Variants in PDE1A observed in about 807,000 individuals in gnomAD.
PDE1A encodes the protein dual specificity calcium/calmodulin-dependent 3',5'-cyclic nucleotide phosphodiesterase 1A.
A neutral mutation model predicts 61.7 loss-of-function variants in PDE1A; 35 were observed. That is an observed-to-expected ratio of 0.57 (90% confidence interval 0.43 to 0.75). The LOEUF (loss-of-function observed/expected upper bound fraction) is 0.75, where lower values mean the gene tolerates loss of function less well. Among genes scored for constraint, PDE1A ranks in the 30% least tolerant of loss-of-function variants. PDE1A has a pLI of 0.00. For synonymous variants in PDE1A, 232 were observed against 213.2 expected (o/e 1.09, Z -0.77); for missense variants, 597 against 630.6 (o/e 0.95, Z 0.57).
chr2:182,316,066 T>G (rs1340510882), intron 1 of PDE1A, among the ~76,000 whole-genome samples: 2 of 152,164 alleles, frequency 1.3e-5, no homozygotes, highest in Non-Finnish European at 2.9e-5. Context: ...TGAGCAGTAA[T>G]TGAATAAGTC....
chr2:182,650,931 G>T, the PDE1A span, among the ~76,000 whole-genome samples: 16 of 152,234 alleles, frequency 1.1e-4, no homozygotes, highest in South Asian at 2.1e-4. Flanking sequence ...ATTTAAAAAG[G>T]CTTCTTGAAA....
At chr2:182,319,973 T>C (rs1168699905) in intron 1 of PDE1A, among the ~76,000 whole-genome samples, 1 of 152,168 alleles carries the variant, frequency 6.6e-6, no homozygotes, top group Non-Finnish European at 1.5e-5. Context: ...ATGTCAGTGG[T>C]CTGCATTCTC....
chr2:182,627,112 AAAT>A, the PDE1A span, among the ~76,000 whole-genome samples: 29 of 58,646 alleles, frequency 4.9e-4, 10 homozygotes, highest in African/African-American at 1.7e-3. Context: ...TATAAAATAT[AAAT>A]AATATATTAT....
chr2:182,540,321 C>T, the PDE1A span, among the ~76,000 whole-genome samples: 1 of 149,218 alleles, frequency 6.7e-6, no homozygotes, highest in Non-Finnish European at 1.5e-5. Flanking sequence ...CTGAGACATA[C>T]CACTGCACTC....
intron 3 of PDE1A, 101 bp downstream of exon 3, chr2:182,240,009 C>A (rs565312613): frequency 1.0e-6 from 1 of 988,978 alleles, no homozygotes; most frequent in Non-Finnish European, 1.4e-6. Context: ...TCACAGTTTT[C>A]GTCAATAAGT....
intron 1 of PDE1A, among the ~76,000 whole-genome samples, chr2:182,302,425 G>T (rs969278366): frequency 3.3e-5 from 5 of 152,206 alleles, no homozygotes; most frequent in African/African-American, 1.2e-4. Context: ...GTACTACACT[G>T]TAATCTCTTA....
At chr2:182,532,958 A>AC in the PDE1A span, among the ~76,000 whole-genome samples, 2 of 149,236 alleles carry the variant, frequency 1.3e-5, no homozygotes, top group Non-Finnish European at 3.0e-5. Context: ...AAAAAAAAAA[A>AC]AAAAAAAAAA....
intron 1 of PDE1A, among the ~76,000 whole-genome samples, chr2:182,384,073 T>C (rs1034868315): frequency 6.6e-6 from 1 of 152,222 alleles, no homozygotes; most frequent in Non-Finnish European, 1.5e-5. Context: ...GCAGGCTGAC[T>C]TCAGCAGCTC....
At chr2:182,654,708 C>A in the PDE1A span, among the ~76,000 whole-genome samples, 4 of 152,272 alleles carry the variant, frequency 2.6e-5, no homozygotes, top group East Asian at 7.7e-4. Context: ...GTGAACCTAG[C>A]CTTCCCTTCA....
chr2:182,236,326 A>G (rs1343723260), intron 3 of PDE1A, among the ~76,000 whole-genome samples: 1 of 151,634 alleles, frequency 6.6e-6, no homozygotes, highest in Non-Finnish European at 1.5e-5. Context: ...AATAATTACT[A>G]TCAACAGTGA....
intron 1 of PDE1A, among the ~76,000 whole-genome samples, chr2:182,367,367 T>C (rs1699892510): frequency 6.6e-6 from 1 of 152,194 alleles, no homozygotes; most frequent in East Asian, 1.9e-4. Flanking sequence ...TATTACATGA[T>C]ACACTCAGTA....
the PDE1A span, among the ~76,000 whole-genome samples, chr2:182,532,571 T>C: frequency 9.2e-4 from 140 of 152,146 alleles, 1 homozygote; most frequent in African/African-American, 3.1e-3. Context: ...CTTACTGGGG[T>C]AATGAAAATG....
chr2:182,526,884 A>T (rs1690779920), upstream of PDE1A, among the ~76,000 whole-genome samples: 1 of 151,394 alleles, frequency 6.6e-6, no homozygotes. Flanking sequence ...ATAGAACCAC[A>T]CCCTCATTTG....
intron 1 of PDE1A, among the ~76,000 whole-genome samples, chr2:182,283,757 C>A (rs73036249): frequency 2.0e-5 from 3 of 152,018 alleles, no homozygotes; most frequent in African/African-American, 7.2e-5. Flanking sequence ...CAACTTGACA[C>A]ATTTCGACAA....
chr2:182,601,883 G>T, the PDE1A span, among the ~76,000 whole-genome samples: 2 of 152,190 alleles, frequency 1.3e-5, no homozygotes, highest in African/African-American at 2.4e-5. Context: ...AGGGGATGAA[G>T]TCACACCAAT....
At chr2:182,437,645 G>T (rs1157213155) in intron 2 of PDE1A, among the ~76,000 whole-genome samples, 1 of 151,926 alleles carries the variant, frequency 6.6e-6, no homozygotes, top group Non-Finnish European at 1.5e-5. Flanking sequence ...ATATTGTACA[G>T]CTGGGACTGA....
At chr2:182,674,284 T>A in the PDE1A span, among the ~76,000 whole-genome samples, 1 of 152,014 alleles carries the variant, frequency 6.6e-6, no homozygotes, top group African/African-American at 2.4e-5. Flanking sequence ...GTCCTTTCTA[T>A]ACACTGATAT....
intron 5 of PDE1A, 31 bp from the exon 6 acceptor site, chr2:182,230,177 T>C: frequency 1.3e-6 from 2 of 1,590,120 alleles, no homozygotes; most frequent in Non-Finnish European, 1.7e-6. Context: ...AATTATATTT[T>C]GACCAAAAAA....
intron 1 of PDE1A, among the ~76,000 whole-genome samples, chr2:182,302,064 T>C (rs1174821640): frequency 6.6e-6 from 1 of 152,180 alleles, no homozygotes; most frequent in African/African-American, 2.4e-5. Context: ...GAAGAATATG[T>C]AGCAGGAATG....
Sources: gnomAD v4.1 joint callset for allele counts (sites outside exome capture counted in the v4.1 genomes callset) on GRCh38, gnomAD v4.1.1 for gene constraint, MANE v1.5 for transcripts, NCBI Gene and HGNC (gene_info 2026-07-23, HGNC 2026-07-21) for gene names.